The following PRKCH variants were observed in gnomAD, a reference collection of about 807,000 sequenced individuals.
PRKCH encodes protein kinase C eta.
Under a neutral mutation model 82.5 loss-of-function variants are expected in PRKCH, and 28 were observed. The observed-to-expected ratio is 0.34, with a 90% CI of 0.25 to 0.47. The LOEUF (loss-of-function observed/expected upper bound fraction) is 0.47, where lower values mean the gene tolerates loss of function less well. PRKCH is among the 20% of genes least tolerant of loss of function. The pLI is 1.00. For synonymous variants in PRKCH, 322 were observed against 327.4 expected, an observed-to-expected ratio of 0.98 and a Z score of 0.18; for missense variants, 705 against 881.8, an observed-to-expected ratio of 0.80 and a Z score of 2.54.
At chr14:61,528,963 T>C (rs150937464) in intron 10 of PRKCH, 112 bp from the exon 11 acceptor site, 282 of 1,007,852 alleles carry the variant, frequency 2.8e-4, no homozygotes, top group Admixed American at 3.4e-4. Context: ...TGCGGCCGCA[T>C]GTGGCCGCAC....
intron 1 of PRKCH, chr14:61,304,866 T>C (rs897164590): frequency 2.6e-5 from 4 of 152,146 alleles, no homozygotes; most frequent in South Asian, 2.1e-4. Context: ...TTCAGTACTT[T>C]AATGGCATCA....
intron 1 of PRKCH, among the ~76,000 whole-genome samples, chr14:61,360,887 G>A (rs1013694913): frequency 2.0e-5 from 3 of 152,194 alleles, no homozygotes; most frequent in African/African-American, 7.2e-5. Flanking sequence ...TACCCTAGAT[G>A]GTGGGAGAGA....
At chr14:61,313,516 A>C (rs1361675102) in intron 1 of PRKCH, among the ~76,000 whole-genome samples, 1 of 152,054 alleles carries the variant, frequency 6.6e-6, no homozygotes, top group Admixed American at 6.5e-5. Flanking sequence ...GGAATACAGT[A>C]GTGTAATCAT....
At chr14:61,529,973 A>C (rs1289569737) in intron 11 of PRKCH, among the ~76,000 whole-genome samples, 1 of 152,224 alleles carries the variant, frequency 6.6e-6, no homozygotes, top group Non-Finnish European at 1.5e-5. Flanking sequence ...ATGAAGACAA[A>C]GTGTACGCCA....
intron 1 of PRKCH, among the ~76,000 whole-genome samples, chr14:61,327,826 A>C (rs1206585731): frequency 6.6e-6 from 1 of 152,274 alleles, no homozygotes; most frequent in Non-Finnish European, 1.5e-5. Flanking sequence ...TTGGGGGACA[A>C]GTAAAGTGTA....
intron 12 of PRKCH, among the ~76,000 whole-genome samples, chr14:61,547,206 G>A (rs940310130): frequency 6.6e-6 from 1 of 152,096 alleles, no homozygotes; most frequent in Non-Finnish European, 1.5e-5. Flanking sequence ...GTTTTTTCTA[G>A]AGCCAGGACA....
intron 10 of PRKCH, among the ~76,000 whole-genome samples, chr14:61,515,506 G>A (rs1215554406): frequency 1.3e-5 from 2 of 152,174 alleles, no homozygotes; most frequent in Admixed American, 1.3e-4. Context: ...ACTAAACAGA[G>A]ATCTTAATTC....
rs373467636 is a variant in PRKCH, at chr14:61,395,297, C to G, written c.427+4009C>G. 1.4e-3 allele frequency among the ~76,000 whole-genome samples: 203 copies of G among 147,190 alleles called. 3 individuals carry two copies. The highest frequency in any genetic ancestry group is 4.7e-3 in the African/African-American group (192 of 40,564). ...AAGTAAGAAGGAAATGGAGCCCCCC[C>G]CCGCATTTGCCTGCCACAGCTGTGG... On this transcript the variant is annotated intron_variant, in intron 2 of 13. Transcript: ENST00000332981.
At chr14:61,477,799 C>G (rs987010442) in intron 9 of PRKCH, among the ~76,000 whole-genome samples, 9 of 152,192 alleles carry the variant, frequency 5.9e-5, no homozygotes, top group Non-Finnish European at 1.2e-4. Flanking sequence ...GGGAAACATC[C>G]CTGTGTCCCA....
intron 1 of PRKCH, among the ~76,000 whole-genome samples, chr14:61,385,961 A>T (rs1296160254): frequency 6.6e-6 from 1 of 152,194 alleles, no homozygotes; most frequent in Non-Finnish European, 1.5e-5. Flanking sequence ...GACAAATAGG[A>T]GTTGGACAAG....
intron 2 of PRKCH, among the ~76,000 whole-genome samples, chr14:61,398,667 G>C (rs921267919): frequency 2.0e-5 from 3 of 152,272 alleles, no homozygotes; most frequent in African/African-American, 7.2e-5. Flanking sequence ...GACCAGTCAG[G>C]CTTCCAGATC....
chr14:61,253,999 C>CTCCT (rs1241212154), intron 1 of PRKCH, among the ~76,000 whole-genome samples: 1 of 140,686 alleles, frequency 7.1e-6, no homozygotes, highest in African/African-American at 2.6e-5. Flanking sequence ...CCCTCCCTCC[C>CTCCT]TCCCTCCCTC....
chr14:61,301,832 T>C (rs903219932), intron 1 of PRKCH, among the ~76,000 whole-genome samples: 5 of 152,164 alleles, frequency 3.3e-5, no homozygotes, highest in African/African-American at 1.2e-4. Flanking sequence ...CAGAATGAGA[T>C]CCTGTCTGAA....
intron 1 of PRKCH, among the ~76,000 whole-genome samples, chr14:61,205,879 A>G (rs1027338468): frequency 4.6e-5 from 7 of 152,144 alleles, no homozygotes; most frequent in Non-Finnish European, 1.0e-4. Flanking sequence ...ATGTTCATCA[A>G]AGCTCCCTCT....
rs747233891 is a variant in PRKCH at position 61,280,334 on chromosome 14, C to G, written c.-19+92666C>G. 3.1e-6 allele frequency: 5 copies of G among 1,613,826 alleles called. No homozygotes were observed. Among genetic ancestry groups the G allele is most frequent in the Non-Finnish European group, 4.2e-6 (5 of 1,179,958 alleles). ...CGCGGCAGCCCGGCCGAGTAGTTGC[C>G]CTGGCGGATGCGCGCGTACAGTTTG... On this transcript the variant is annotated intron_variant, in intron 1 of 3. Transcript: ENST00000555185. This position sits in a 1 kb window ranked among gnomAD's most constrained non-coding sequence, Gnocchi z 5.0.
intron 1 of PRKCH, among the ~76,000 whole-genome samples, chr14:61,239,190 C>T (rs74583715): frequency 0.069 from 10,557 of 152,248 alleles, 406 homozygotes; most frequent in Middle Eastern, 0.1. Flanking sequence ...TACTCTTCCA[C>T]CCTGCAGCAT....
chr14:61,281,283 G>A (rs574085828), intron 1 of PRKCH: 92 of 436,422 alleles, frequency 2.1e-4, no homozygotes, highest in African/African-American at 1.5e-3. Context: ...GTTTTTGCCC[G>A]GGCCCCTCCT....
At chr14:61,318,779 C>T (rs1036886864), upstream of PRKCH, among the ~76,000 whole-genome samples, 1 of 152,002 alleles carries the variant, frequency 6.6e-6, no homozygotes, top group African/African-American at 2.4e-5. Context: ...TCTTCCAATC[C>T]ACCCCCGAGA....
intron 1 of PRKCH, among the ~76,000 whole-genome samples, chr14:61,249,444 C>G (rs961543156): frequency 6.8e-6 from 1 of 147,354 alleles, no homozygotes; most frequent in African/African-American, 2.5e-5. Context: ...CTTAAAAAAA[C>G]ATTGGAGTCA....
Sources: gnomAD v4.1 joint callset for allele counts (sites outside exome capture counted in the v4.1 genomes callset) on GRCh38, gnomAD v4.1.1 for gene constraint, Gnocchi (gnomAD v3.1) non-coding constraint, MANE v1.5 for transcripts, NCBI Gene and HGNC (gene_info 2026-07-23, HGNC 2026-07-21) for gene names.